Variants in ATP9A observed in about 807,000 individuals in gnomAD.
ATP9A encodes the protein ATPase phospholipid transporting 9A.
ATP9A carries 52 observed loss-of-function variants against 144.1 expected under a neutral mutation model. That is an observed-to-expected ratio of 0.36 (90% CI 0.29 to 0.45). The LOEUF (loss-of-function observed/expected upper bound fraction) is 0.45, where lower values mean the gene tolerates loss of function less well. Ranked by LOEUF, ATP9A falls within the 20% of genes least tolerant of loss-of-function variation. The pLI, the probability that ATP9A is intolerant of heterozygous loss-of-function variation, is 1.00. For missense variants in ATP9A, 947 were observed against 1,392.7 expected, an observed-to-expected ratio of 0.68 and a Z score of 5.09; for synonymous variants, 582 against 557.4, an observed-to-expected ratio of 1.04 and a Z score of -0.62.
chr20:51,639,224 G>T, intron 15 of ATP9A, 119 bp downstream of exon 15: 1 of 1,122,058 alleles, frequency 8.9e-7, no homozygotes, highest in Non-Finnish European at 1.3e-6. Flanking sequence ...ATATTCCCTT[G>T]TTAGTCTGGG....
At chr20:51,705,095 A>G (rs969299067) in intron 4 of ATP9A, among the ~76,000 whole-genome samples, 2 of 152,258 alleles carry the variant, frequency 1.3e-5, no homozygotes, top group African/African-American at 4.8e-5. Context: ...TTGAAACATA[A>G]GTAGTACTTG....
intron 11 of ATP9A, among the ~76,000 whole-genome samples, chr20:51,672,853 G>A (rs1320877593): frequency 6.7e-6 from 1 of 148,814 alleles, no homozygotes; most frequent in East Asian, 1.9e-4. Flanking sequence ...ACATACAAGT[G>A]ATGTGAAAAG....
At position 51,618,673 on chromosome 20, in the gene ATP9A, G is replaced by A. The variant is rs531680709; in HGVS notation, c.2339C>T (p.Thr780Ile). 5.5e-5 allele frequency: 89 copies of A among 1,612,308 alleles called. 1 individual carries two copies. Among genetic ancestry groups the A allele is most frequent in the South Asian group, 5.4e-4 (49 of 91,024 alleles). Reference protein sequence around the residue: ...RLLQERTGKLTCAVGDGGNDV... With the variant: ...RLLQERTGKLICAVGDGGNDV... ...TGAGCCTCGCCTACCTACTGCACAG[G>A]TGAGCTTGCCCGTGCGCTCCTGAAG... The change falls in exon 21 of 28, where the codon ACC becomes ATC. Residue 780 changes from threonine (T) to isoleucine (I), a missense_variant. By Grantham distance (89) the Thr-to-Ile change is moderately conservative (BLOSUM62 -1). Coordinates refer to ENST00000338821, the MANE Select transcript of ATP9A (RefSeq NM_006045.3).
intron 9 of ATP9A, among the ~76,000 whole-genome samples, chr20:51,686,692 T>C (rs938309339): frequency 1.3e-5 from 2 of 152,182 alleles, no homozygotes; most frequent in Non-Finnish European, 2.9e-5. Flanking sequence ...CCCAGCACTT[T>C]GGGAGGCCGA....
chr20:51,675,809 G>A lies in ATP9A; in HGVS notation c.876+323C>T, dbSNP rs528917561. 1.2e-3 allele frequency among the ~76,000 whole-genome samples: 178 copies of A among 151,652 alleles called. 1 individual carries two copies. Among genetic ancestry groups the A allele is most frequent in the African/African-American group, 4.2e-3 (175 of 41,326 alleles). ...TTGGGAGGATTGCTTGAGCCCGGGA[G>A]GCAGAGGTTACAGTGAGCCAAAATC... On this transcript the variant is annotated intron_variant, in intron 10 of 27. Transcript: ENST00000338821.
chr20:51,606,532 A>G (rs1228829179), intron 26 of ATP9A, among the ~76,000 whole-genome samples: 2 of 152,182 alleles, frequency 1.3e-5, no homozygotes, highest in Non-Finnish European at 2.9e-5. Flanking sequence ...CCTCATCTCT[A>G]CAAAAAATAC....
At chr20:51,765,452 C>T (rs948828535) in intron 1 of ATP9A, among the ~76,000 whole-genome samples, 3 of 151,600 alleles carry the variant, frequency 2.0e-5, no homozygotes, top group African/African-American at 7.3e-5. Context: ...GTAAGGAGTT[C>T]GAGACCAGCC....
chr20:51,636,007 A>AC (rs1299948908), intron 15 of ATP9A, among the ~76,000 whole-genome samples: 84 of 152,106 alleles, frequency 5.5e-4, no homozygotes, highest in African/African-American at 1.9e-3. Context: ...AATAATACTG[A>AC]CCCCATATAC....
In ATP9A at chr20:51,729,915, C is replaced by T; in HGVS notation, c.132G>A (p.Gly44=). ...GEARPRTVWL[G]HPEKRDQRYP... ...ACCTCTGGTCTCTCTTCTCGGGGTG[C>T]CCCAGCCAGACAGTGCGGGGCCTGG... Residue 44 remains glycine (G), a synonymous_variant, in exon 2 of 28, where the codon GGG becomes GGA. Transcript: ENST00000338821. 2 of 1,604,928 alleles carry T rather than the reference C, an allele frequency of 1.2e-6. No homozygotes were observed. The highest frequency in any genetic ancestry group is 1.7e-6 in the Non-Finnish European group (2 of 1,177,284).
intron 13 of ATP9A, among the ~76,000 whole-genome samples, chr20:51,669,269 C>T (rs142997101): frequency 6.6e-6 from 1 of 152,266 alleles, no homozygotes; most frequent in African/African-American, 2.4e-5. Flanking sequence ...ACTCCACCAG[C>T]AATTCTGACA....
intron 22 of ATP9A, among the ~76,000 whole-genome samples, chr20:51,615,444 AGTGT>A (rs1480941147): frequency 6.9e-6 from 1 of 144,502 alleles, no homozygotes; most frequent in Non-Finnish European, 1.6e-5. Context: ...CAAAATGTAC[AGTGT>A]GTTTTCAATT....
At chr20:51,679,165 A>T (rs1228443450) in intron 9 of ATP9A, among the ~76,000 whole-genome samples, 1 of 152,040 alleles carries the variant, frequency 6.6e-6, no homozygotes, top group Non-Finnish European at 1.5e-5. Flanking sequence ...CTCTACTAAA[A>T]ATATAAAAAT....
intron 3 of ATP9A, among the ~76,000 whole-genome samples, chr20:51,724,814 A>G (rs1402693266): frequency 6.6e-6 from 1 of 152,238 alleles, no homozygotes; most frequent in Non-Finnish European, 1.5e-5. Context: ...CGCATGCACA[A>G]AAGCATAGAT....
At chr20:51,726,013 C>T (rs970912522) in intron 2 of ATP9A, 81 bp from the exon 3 acceptor site, 49 of 890,866 alleles carry the variant, frequency 5.5e-5, no homozygotes, top group Non-Finnish European at 7.5e-5. Context: ...AAATGAATAA[C>T]ATCTAAAAAC....
chr20:51,699,436 A>G (rs1384263824), intron 4 of ATP9A, among the ~76,000 whole-genome samples: 1 of 151,986 alleles, frequency 6.6e-6, no homozygotes, highest in Non-Finnish European at 1.5e-5. Context: ...ACATTTTAAC[A>G]TAATTTAATA....
chr20:51,625,185 G>A lies in ATP9A; in HGVS notation c.2016+7C>T, dbSNP rs749176093. The A allele has an allele frequency of 1.1e-5, 18 of 1,607,626 alleles. No homozygotes were observed. Among genetic ancestry groups the A allele is most frequent in the Non-Finnish European group, 1.4e-5 (16 of 1,178,370 alleles). Reference sequence around the variant, plus strand: ...GAGTGCCCTTCCCTGCGGGCAGCCCGCCCTACCTTGATGCCAGCATTCCTC... The same window carrying A: ...GAGTGCCCTTCCCTGCGGGCAGCCCACCCTACCTTGATGCCAGCATTCCTC... On this transcript the variant is annotated splice_region_variant and intron_variant, in intron 18 of 27. Transcript: ENST00000338821.
At chr20:51,692,777 G>A (rs1392218151) in intron 7 of ATP9A, among the ~76,000 whole-genome samples, 2 of 152,132 alleles carry the variant, frequency 1.3e-5, no homozygotes, top group Admixed American at 6.5e-5. Flanking sequence ...AGTCCAGCCT[G>A]GGTGACAGAG....
chr20:51,696,202 G>C lies in ATP9A; in HGVS notation c.496-58C>G, dbSNP rs182432999. ...ATGAATGACCGTGTGCTGTGCGGTGGGGAGGGGGGCTTCCGCCCCCACCCC... is the reference window on the plus strand; with the variant it reads ...ATGAATGACCGTGTGCTGTGCGGTGCGGAGGGGGGCTTCCGCCCCCACCCC... On this transcript the variant is annotated intron_variant, in intron 5 of 27. Transcript: ENST00000338821. 1,575 of 1,554,512 alleles carry C rather than the reference G, an allele frequency of 1.0e-3. 9 individuals are homozygous for C. The highest frequency in any genetic ancestry group is 9.2e-3 in the African/African-American group (678 of 73,564).
chr20:51,716,027 G>C (rs1273884165), intron 3 of ATP9A, among the ~76,000 whole-genome samples: 1 of 152,020 alleles, frequency 6.6e-6, no homozygotes, highest in Non-Finnish European at 1.5e-5. Context: ...TGGGGTGGTG[G>C]GGGCGGGTGG....
Sources: gnomAD v4.1 joint callset for allele counts (sites outside exome capture counted in the v4.1 genomes callset) on GRCh38, gnomAD v4.1.1 for gene constraint, MANE v1.5 for transcripts, NCBI Gene and HGNC (gene_info 2026-07-23, HGNC 2026-07-21) for gene names.